The following SHQ1 variants were observed in gnomAD, a reference collection of about 807,000 sequenced individuals.
SHQ1 encodes the protein SHQ1, H/ACA ribonucleoprotein assembly factor, also known as protein SHQ1 homolog.
Under a neutral mutation model 53.8 loss-of-function variants are expected in SHQ1, and 49 were observed. The observed-to-expected ratio is 0.91, with a 90% CI of 0.72 to 1.16. The LOEUF (loss-of-function observed/expected upper bound fraction) is 1.16. SHQ1 is among the 50% of genes most tolerant of loss of function. SHQ1 has a pLI of 0.00. For missense variants in SHQ1, 738 were observed against 683.1 expected, an observed-to-expected ratio of 1.08 and a Z score of -0.90; for synonymous variants, 243 against 251.0, an observed-to-expected ratio of 0.97 and a Z score of 0.30.
At chr3:72,770,302 A>C (rs2322613) in intron 10 of SHQ1, among the ~76,000 whole-genome samples, 51,873 of 152,150 alleles carry the variant, frequency 0.34, 10,780 homozygotes, top group African/African-American at 0.59. Context: ...ACAGACAGAG[A>C]AGAGATCTGA....
At chr3:72,835,839 T>C (rs1039119530) in intron 4 of SHQ1, among the ~76,000 whole-genome samples, 2 of 152,062 alleles carry the variant, frequency 1.3e-5, no homozygotes, top group African/African-American at 4.8e-5. Context: ...CTCAAAGGAG[T>C]CTTCTCTGGG....
chr3:72,770,517 T>C (rs1705824975), intron 10 of SHQ1, among the ~76,000 whole-genome samples: 1 of 152,174 alleles, frequency 6.6e-6, no homozygotes, highest in Admixed American at 6.5e-5. Flanking sequence ...AGGAAGGAGT[T>C]TGCTTTTGCC....
the SHQ1 span, among the ~76,000 whole-genome samples, chr3:72,742,999 CCTT>C: frequency 2.6e-5 from 4 of 152,212 alleles, no homozygotes; most frequent in South Asian, 6.2e-4. Context: ...TAAATACTAT[CCTT>C]CTACTTTTTG....
chr3:72,806,142 G>A (rs1340277212), intron 9 of SHQ1, among the ~76,000 whole-genome samples: 1 of 152,152 alleles, frequency 6.6e-6, no homozygotes, highest in Non-Finnish European at 1.5e-5. Context: ...TAATTTAGGA[G>A]ACTGGGAACA....
At chr3:72,732,123 C>G in the SHQ1 span, among the ~76,000 whole-genome samples, 1 of 151,560 alleles carries the variant, frequency 6.6e-6, no homozygotes, top group Non-Finnish European at 1.5e-5. Flanking sequence ...TGTAAATACA[C>G]ACTTTAAAAT....
intron 10 of SHQ1, among the ~76,000 whole-genome samples, chr3:72,791,911 A>G (rs1443608700): frequency 3.9e-5 from 6 of 152,224 alleles, no homozygotes; most frequent in African/African-American, 1.4e-4. Flanking sequence ...GTCATGTCTA[A>G]TAAGAATCAG....
intron 9 of SHQ1, among the ~76,000 whole-genome samples, chr3:72,801,261 G>C (rs551470244): frequency 6.6e-6 from 1 of 152,190 alleles, no homozygotes; most frequent in East Asian, 1.9e-4. Context: ...AAAACCCATA[G>C]GCATAGAAAA....
In SHQ1 at chr3:72,751,274, C is replaced by T. The variant is rs541750334; in HGVS notation, c.1182-438G>A. 1.1e-4 allele frequency among the ~76,000 whole-genome samples: 17 copies of T among 151,782 alleles called. No homozygotes were observed. In the East Asian group the frequency reaches 3.3e-3, roughly 29 times the overall value. ...AAAAATACAAAAAATTAGCTGGGCA[C>T]AGTGGCAGGCACCTGTAATCCCAGC... On this transcript the variant is annotated intron_variant, in intron 10 of 10. Coordinates refer to ENST00000325599, the MANE Select transcript of SHQ1 (RefSeq NM_018130.3).
chr3:72,787,466 T>C (rs1313360469), intron 10 of SHQ1, among the ~76,000 whole-genome samples: 1 of 152,202 alleles, frequency 6.6e-6, no homozygotes, highest in Non-Finnish European at 1.5e-5. Context: ...CTTGATCCCT[T>C]GTCATTTCAA....
In SHQ1 at chr3:72,837,388, TA is replaced by T. The variant is rs57831023; in HGVS notation, c.486+3656del. ...GGCAAAAAAATATGAAAGACTTCTGTAAAGGGCTAAATTATTCAATGAAGAA... is the reference window on the plus strand; with the variant it reads ...GGCAAAAAAATATGAAAGACTTCTGTAAGGGCTAAATTATTCAATGAAGAA... On this transcript the variant is annotated intron_variant, in intron 4 of 10. Coordinates refer to ENST00000325599, the MANE Select transcript of SHQ1 (RefSeq NM_018130.3). 3.6e-3 allele frequency among the ~76,000 whole-genome samples: 552 copies of T among 152,278 alleles called. 2 individuals carry two copies. Among genetic ancestry groups the T allele is most frequent in the African/African-American group, 0.012 (504 of 41,566 alleles).
Position 72,806,854 on chromosome 3 carries a change from C to T in SHQ1, c.1060+5817G>A, listed in dbSNP as rs184266935. Among the ~76,000 whole-genome samples, 52 of 152,280 alleles carry T rather than the reference C, an allele frequency of 3.4e-4. 1 individual carries two copies. Among genetic ancestry groups the T allele is most frequent in the African/African-American group, 1.1e-3 (46 of 41,562 alleles). The stretch of plus-strand genomic sequence containing the variant: ...TCTCTTTTTTGAACTACTTAATCCA[C>T]ATTTCTTGTAAGGCACTTACCACGG... On this transcript the variant is annotated intron_variant, in intron 9 of 10. Transcript: ENST00000325599.
chr3:72,739,556 C>A, the SHQ1 span, among the ~76,000 whole-genome samples: 1 of 152,198 alleles, frequency 6.6e-6, no homozygotes, highest in African/African-American at 2.4e-5. Flanking sequence ...GCTACTCAAC[C>A]TCTAACCCTG....
intron 3 of SHQ1, among the ~76,000 whole-genome samples, chr3:72,842,017 C>T: frequency 6.6e-6 from 1 of 152,168 alleles, no homozygotes; most frequent in East Asian, 1.9e-4. Flanking sequence ...TACTTCTGAT[C>T]TTAGCTCAAG....
intron 10 of SHQ1, among the ~76,000 whole-genome samples, chr3:72,762,253 T>C (rs902212581): frequency 3.3e-5 from 5 of 152,186 alleles, no homozygotes; most frequent in African/African-American, 1.2e-4. Flanking sequence ...TTTATCCAAA[T>C]GCAGAGAAGC....
chr3:72,756,522 C>T (rs997899449), intron 10 of SHQ1, among the ~76,000 whole-genome samples: 5 of 152,216 alleles, frequency 3.3e-5, no homozygotes, highest in African/African-American at 1.2e-4. Context: ...CAGTGATCCA[C>T]CCACCTTGGT....
the SHQ1 span, among the ~76,000 whole-genome samples, chr3:72,739,645 TG>T: frequency 6.6e-6 from 1 of 152,036 alleles, no homozygotes; most frequent in East Asian, 1.9e-4. Flanking sequence ...TGAGCTCCTC[TG>T]AAAATCAGAG....
intron 10 of SHQ1, among the ~76,000 whole-genome samples, chr3:72,780,373 A>C (rs942080371): frequency 2.0e-4 from 31 of 152,244 alleles, no homozygotes; most frequent in African/African-American, 7.2e-4. Flanking sequence ...CCCTTAAACA[A>C]GCAGACAGGA....
At chr3:72,742,553 T>C in the SHQ1 span, among the ~76,000 whole-genome samples, 3 of 151,968 alleles carry the variant, frequency 2.0e-5, no homozygotes, top group Admixed American at 1.3e-4. Context: ...CAAAGAAAAA[T>C]AGAGAAACTG....
intron 10 of SHQ1, chr3:72,773,440 T>C: frequency 2.6e-6 from 1 of 390,972 alleles, no homozygotes; most frequent in Non-Finnish European, 5.0e-6. Flanking sequence ...ATCACCAAAA[T>C]CGGAGTGATC....
Sources: gnomAD v4.1 joint callset for allele counts (sites outside exome capture counted in the v4.1 genomes callset) on GRCh38, gnomAD v4.1.1 for gene constraint, MANE v1.5 for transcripts, NCBI Gene and HGNC (gene_info 2026-07-23, HGNC 2026-07-21) for gene names.